The following PTPRS variants were observed in gnomAD, a reference collection of about 807,000 sequenced individuals.
The protein encoded by PTPRS is protein tyrosine phosphatase receptor type S.
Under a neutral mutation model 215.3 loss-of-function variants are expected in PTPRS, and 63 were observed. The ratio of observed to expected loss-of-function variants is 0.29; its 90% CI spans 0.24 to 0.36. The LOEUF (loss-of-function observed/expected upper bound fraction) is 0.36, where lower values mean the gene tolerates loss of function less well. Ranked by LOEUF, PTPRS falls within the 10% of genes least tolerant of loss-of-function variation. The pLI is 1.00. For missense variants in PTPRS, 2,258 were observed against 2,825.8 expected (o/e 0.80, Z 4.56); for synonymous variants, 1,404 against 1,191.4 (o/e 1.18, Z -3.68).
rs1370939047 is a variant in PTPRS at position 5,222,946 on chromosome 19, C to T, written c.2846G>A (p.Arg949His). The T allele has an allele frequency of 1.9e-6, 3 of 1,550,412 alleles. No individual in the cohort carries two copies. Among genetic ancestry groups the T allele is most frequent in the South Asian group, 2.3e-5 (2 of 85,728 alleles). The change falls in exon 18 of 38, where the codon CGC becomes CAC. Residue 949 changes from arginine (R) to histidine (H), a missense_variant. By Grantham distance (29) the Arg-to-His change is conservative (BLOSUM62 0). Transcript: ENST00000262963. ...GNASAGTVLLRWLPPVPAERN... is the reference protein window; with the variant it reads ...GNASAGTVLLHWLPPVPAERN... Reference sequence around the variant, plus strand: ...CTCGGCGGGCACGGGTGGCAGCCAGCGGAGAAGGACGGTCCCGGCCGAGGC... The same window carrying T: ...CTCGGCGGGCACGGGTGGCAGCCAGTGGAGAAGGACGGTCCCGGCCGAGGC...
chr19:5,234,556 C>T (rs189338565), intron 13 of PTPRS, among the ~76,000 whole-genome samples: 34 of 152,310 alleles, frequency 2.2e-4, no homozygotes, highest in East Asian at 1.4e-3. Flanking sequence ...GGACTGGGTA[C>T]GGTAACAGGT....
chr19:5,322,655 G>A (rs1014235949), intron 1 of PTPRS, among the ~76,000 whole-genome samples: 2 of 152,038 alleles, frequency 1.3e-5, no homozygotes, highest in African/African-American at 4.8e-5. Flanking sequence ...TGAGGCGGGC[G>A]GATCACCTGA....
chr19:5,228,877 G>A (rs1037819165), intron 16 of PTPRS, among the ~76,000 whole-genome samples: 1 of 152,218 alleles, frequency 6.6e-6, no homozygotes. Flanking sequence ...GAAGACGACA[G>A]CATATCCAGA....
intron 9 of PTPRS, among the ~76,000 whole-genome samples, chr19:5,248,396 A>C (rs1231913238): frequency 6.6e-6 from 1 of 152,056 alleles, no homozygotes; most frequent in Non-Finnish European, 1.5e-5. Flanking sequence ...AAGAAAAAAA[A>C]AAAAATCATG....
chr19:5,278,075 C>G, intron 2 of PTPRS: 2 of 921,418 alleles, frequency 2.2e-6, no homozygotes, highest in East Asian at 5.1e-5. Context: ...TGGAAAGGGC[C>G]GCCCAGCTGC....
rs545812578 is a variant in PTPRS at position 5,322,341 on chromosome 19, AGGAGGCT to A, written c.-95+18316_-95+18322del. 5.9e-5 allele frequency among the ~76,000 whole-genome samples: 9 copies of A among 152,332 alleles called. No homozygotes were observed. In the East Asian group the frequency reaches 1.7e-3, roughly 29 times the overall value. The stretch of plus-strand genomic sequence containing the variant: ...TATTTTTAAAAACCCCACAGCACTC[AGGAGGCT>A]GGCCCGTCAGCGCAGCACCACGTCC... On this transcript the variant is annotated intron_variant, in intron 1 of 37. Coordinates refer to ENST00000262963, the MANE Select transcript of PTPRS (RefSeq NM_002850.4).
rs1386515607 is a variant in PTPRS, at chr19:5,245,546, GCCT to G, written c.988+227_988+229del. Reference sequence around the variant, plus strand: ...GGGCTCAAGCAAACCTCCTGCCTTGGCCTCCCAAAGTGCTGGGATTACAGGCGT... The same window carrying G: ...GGGCTCAAGCAAACCTCCTGCCTTGGCCCAAAGTGCTGGGATTACAGGCGT... On this transcript the variant is annotated intron_variant, in intron 10 of 37. Coordinates refer to ENST00000262963, the MANE Select transcript of PTPRS (RefSeq NM_002850.4). 5.3e-5 allele frequency among the ~76,000 whole-genome samples: 8 copies of G among 152,242 alleles called. No individual in the cohort carries two copies. In the South Asian group the frequency reaches 1.2e-3, roughly 24 times the overall value.
At chr19:5,239,169 G>A in intron 12 of PTPRS, 106 bp from the exon 13 acceptor site, 3 of 660,204 alleles carry the variant, frequency 4.5e-6, no homozygotes, top group Non-Finnish European at 7.5e-6. Context: ...GAGGGGGAGA[G>A]AGAGAGAGAG....
At chr19:5,217,635 A>C (rs1440424907) in intron 25 of PTPRS, among the ~76,000 whole-genome samples, 1 of 152,232 alleles carries the variant, frequency 6.6e-6, no homozygotes, top group Admixed American at 6.5e-5. Flanking sequence ...AATGTTTAAA[A>C]TCTTCATTTG....
At position 5,218,277 on chromosome 19, in the gene PTPRS, G is replaced by C. The variant is rs947709245; in HGVS notation, c.4048+143C>G. The C allele has an allele frequency of 3.1e-5, 22 of 715,318 alleles. No homozygotes were observed. The African/African-American group carries it at 3.9e-4, about 13-fold the overall frequency. 44.3% of individuals were successfully genotyped at this position (715,318 alleles called of 1,614,324 possible). A position where few individuals can be genotyped will look rare whatever the true frequency, so the allele number is the denominator to read the frequency against. On this transcript the variant is annotated intron_variant, in intron 25 of 37. Transcript: ENST00000262963. The stretch of plus-strand genomic sequence containing the variant: ...CCAAGCCCAGATCCATGTAGGGTTG[G>C]AGGTATTTGGGAATCCAGAATGTGG...
chr19:5,206,423 A>AG lies in PTPRS; in HGVS notation c.*350dup. On this transcript the variant is annotated 3_prime_UTR_variant, in exon 38 of 38. Coordinates refer to ENST00000262963, the MANE Select transcript of PTPRS (RefSeq NM_002850.4). ...CCCCTACCACCGCTGGGGGAGGACG[A>AG]GGGGTCCGTCTATGGTCTGTGCCCC... The AG allele has an allele frequency of 3.6e-6, 1 of 275,778 alleles. No homozygotes were observed. The highest frequency in any genetic ancestry group is 6.9e-6 in the Non-Finnish European group (1 of 145,536). 17.1% of individuals were successfully genotyped at this position (275,778 alleles called of 1,614,324 possible).
chr19:5,318,256 G>A (rs910501398), intron 1 of PTPRS, among the ~76,000 whole-genome samples: 6 of 151,666 alleles, frequency 4.0e-5, no homozygotes, highest in Admixed American at 1.3e-4. Flanking sequence ...CAGGAAAATC[G>A]CTTGAACCCA....
In PTPRS at chr19:5,294,939, GA is replaced by G. The variant is rs2049087823; in HGVS notation, c.-94-8706del. 6.6e-6 allele frequency among the ~76,000 whole-genome samples: 1 copy of G among 152,164 alleles called. No individual in the cohort carries two copies. The highest frequency in any genetic ancestry group is 1.5e-5 in the Non-Finnish European group (1 of 68,028). The stretch of plus-strand genomic sequence containing the variant: ...CGAGGTACACAGTAGGTGCTTCATG[GA>G]GGAGGCTGCCTGGTGCCCCAGCATC... On this transcript the variant is annotated intron_variant, in intron 1 of 37. Transcript: ENST00000262963. This position sits in a 1 kb window ranked among gnomAD's most constrained non-coding sequence, Gnocchi z 5.1.
chr19:5,282,442 G>A (rs377367411), intron 2 of PTPRS, among the ~76,000 whole-genome samples: 6 of 152,192 alleles, frequency 3.9e-5, no homozygotes, highest in Non-Finnish European at 5.9e-5. Context: ...CCTGCAGCTC[G>A]AGAGGCACAA....
chr19:5,239,426 G>A (rs995990352), intron 12 of PTPRS, among the ~76,000 whole-genome samples: 1 of 150,828 alleles, frequency 6.6e-6, no homozygotes, highest in African/African-American at 2.4e-5. Context: ...GAGAAACAAA[G>A]GAGAGAGACA....
chr19:5,300,704 G>T (rs2049274167), intron 1 of PTPRS, among the ~76,000 whole-genome samples: 1 of 146,552 alleles, frequency 6.8e-6, no homozygotes, highest in Admixed American at 7.0e-5. Context: ...AGAGGCAGAG[G>T]TTGCAGTAAG....
chr19:5,302,980 G>A (rs1221862604), intron 1 of PTPRS, among the ~76,000 whole-genome samples: 1 of 151,960 alleles, frequency 6.6e-6, no homozygotes, highest in Non-Finnish European at 1.5e-5. Flanking sequence ...TGAGGCAGGA[G>A]AATGGTGTGA....
At chr19:5,211,387 A>G (rs1397190712) in intron 33 of PTPRS, among the ~76,000 whole-genome samples, 1 of 152,216 alleles carries the variant, frequency 6.6e-6, no homozygotes, top group Non-Finnish European at 1.5e-5. Context: ...GAATCACATT[A>G]TGGACAGCAG....
chr19:5,208,135 G>T (rs577259905), intron 36 of PTPRS, 78 bp from the exon 37 acceptor site: 557 of 1,575,464 alleles, frequency 3.5e-4, no homozygotes, highest in Non-Finnish European at 4.7e-4. Flanking sequence ...ATTCCCCGAG[G>T]ACTCTAACAG....
Sources: allele counts gnomAD v4.1 joint callset (sites outside exome capture counted in the v4.1 genomes callset), GRCh38; gene constraint gnomAD v4.1.1; non-coding constraint Gnocchi (gnomAD v3.1); transcripts MANE v1.5; gene names NCBI Gene and HGNC (gene_info 2026-07-23, HGNC 2026-07-21).